Variants in SH3RF3 observed in about 807,000 individuals in gnomAD.
SH3RF3 encodes the protein E3 ubiquitin-protein ligase SH3RF3.
SH3RF3 carries 29 observed loss-of-function variants against 66.3 expected under a neutral mutation model. That is an observed-to-expected ratio of 0.44 (90% CI 0.33 to 0.60). SH3RF3 has a LOEUF of 0.60. Among genes scored for constraint, SH3RF3 ranks in the 20% least tolerant of loss-of-function variants. SH3RF3 has a pLI of 0.04. For missense variants in SH3RF3, 1,194 were observed against 1,190.9 expected (o/e 1.00, Z -0.04); for synonymous variants, 583 against 532.0 (o/e 1.10, Z -1.32).
intron 3 of SH3RF3, among the ~76,000 whole-genome samples, chr2:109,390,609 G>A (rs1675960344): frequency 6.6e-6 from 1 of 152,188 alleles, no homozygotes; most frequent in South Asian, 2.1e-4. Flanking sequence ...GAGGAAGAAG[G>A]GTGACATAAC....
intron 1 of SH3RF3, among the ~76,000 whole-genome samples, chr2:109,163,713 G>A (rs1677550157): frequency 6.6e-6 from 1 of 152,140 alleles, no homozygotes; most frequent in Non-Finnish European, 1.5e-5. Context: ...ATATTCTTAA[G>A]CTTGGAGACT....
chr2:109,170,281 TCTCTTCTCTTCTCTTCTCTTCTC>T (rs1558938233), intron 1 of SH3RF3, among the ~76,000 whole-genome samples: 37 of 107,912 alleles, frequency 3.4e-4, no homozygotes, highest in African/African-American at 1.1e-3. Context: ...TCTCTTCTCT[TCTCTTCTCTTCTCTTCTCTTCTC>T]TTCTCTTCTC....
rs1230636965 is a variant in SH3RF3, at chr2:109,189,351, G to A, written c.573+59238G>A. ...CCAGGCAGACAGGAGAGGAACTTAC[G>A]TGTTCAGTCGTTTGACTTTTTTTTT... On this transcript the variant is annotated intron_variant, in intron 1 of 9. Coordinates refer to ENST00000309415, the MANE Select transcript of SH3RF3 (RefSeq NM_001099289.3). Among the ~76,000 whole-genome samples, 5 of 146,468 alleles carry A rather than the reference G, an allele frequency of 3.4e-5. No homozygotes were observed. The East Asian group carries it at 8.1e-4, about 24-fold the overall frequency.
chr2:109,473,733 C>T (rs1678591630), intron 8 of SH3RF3, among the ~76,000 whole-genome samples: 1 of 149,742 alleles, frequency 6.7e-6, no homozygotes, highest in Admixed American at 6.7e-5. Context: ...CCACCCCACC[C>T]ACTCCTGCCT....
At chr2:109,167,867 A>G (rs1487802351) in intron 1 of SH3RF3, among the ~76,000 whole-genome samples, 1 of 152,176 alleles carries the variant, frequency 6.6e-6, no homozygotes, top group Non-Finnish European at 1.5e-5. Context: ...CACTGCACCC[A>G]GCCTAGTGTC....
chr2:109,192,267 G>A (rs1173367186), intron 1 of SH3RF3, among the ~76,000 whole-genome samples: 1 of 152,152 alleles, frequency 6.6e-6, no homozygotes, highest in Non-Finnish European at 1.5e-5. Context: ...GCAGCTCATG[G>A]GATGTTTGGA....
intron 3 of SH3RF3, 145 bp from the exon 4 acceptor site, chr2:109,398,445 G>C: frequency 1.3e-6 from 1 of 758,256 alleles, no homozygotes; most frequent in Non-Finnish European, 2.1e-6. Context: ...CACCCCACCA[G>C]CCTCTTCTGT....
At chr2:109,174,015 C>T (rs1677861909) in intron 1 of SH3RF3, among the ~76,000 whole-genome samples, 1 of 152,202 alleles carries the variant, frequency 6.6e-6, no homozygotes, top group Non-Finnish European at 1.5e-5. Context: ...TGGGCTCAGT[C>T]CTTGATTCAG....
At position 109,293,024 on chromosome 2, in the gene SH3RF3, A is replaced by G. The variant is rs76067955; in HGVS notation, c.574-54650A>G. ...TGGGATTACAGGCGTGAGGCACCGCACCCCAATTTGACATTTAAATGGCAT... is the reference window on the plus strand; with the variant it reads ...TGGGATTACAGGCGTGAGGCACCGCGCCCCAATTTGACATTTAAATGGCAT... On this transcript the variant is annotated intron_variant, in intron 1 of 9. Coordinates refer to ENST00000309415, the MANE Select transcript of SH3RF3 (RefSeq NM_001099289.3). 8.0e-3 allele frequency among the ~76,000 whole-genome samples: 1,213 copies of G among 152,216 alleles called. 12 individuals are homozygous for G. The highest frequency in any genetic ancestry group is 0.038 in the East Asian group (194 of 5,156).
intron 1 of SH3RF3, among the ~76,000 whole-genome samples, chr2:109,254,457 T>C (rs1259703168): frequency 1.3e-5 from 2 of 152,168 alleles, no homozygotes; most frequent in Admixed American, 6.5e-5. Flanking sequence ...GTACTTAGAA[T>C]AGGGCCTGAC....
chr2:109,483,997 C>T (rs568759105), intron 8 of SH3RF3, among the ~76,000 whole-genome samples: 3 of 152,074 alleles, frequency 2.0e-5, no homozygotes, highest in East Asian at 1.9e-4. Flanking sequence ...ATGCTCCCAG[C>T]GTCCACCAGA....
At chr2:109,482,804 G>A (rs146771128) in intron 8 of SH3RF3, among the ~76,000 whole-genome samples, 1 of 152,308 alleles carries the variant, frequency 6.6e-6, no homozygotes, top group Non-Finnish European at 1.5e-5. Flanking sequence ...AACACGATGC[G>A]GCGGTCACGT....
intron 8 of SH3RF3, among the ~76,000 whole-genome samples, chr2:109,462,150 A>G (rs1177988942): frequency 6.7e-6 from 1 of 149,820 alleles, no homozygotes; most frequent in Non-Finnish European, 1.5e-5. Context: ...CACTAGGTCC[A>G]GTCAGCACAA....
At chr2:109,424,020 C>A (rs1001486088) in intron 5 of SH3RF3, among the ~76,000 whole-genome samples, 1 of 152,200 alleles carries the variant, frequency 6.6e-6, no homozygotes, top group South Asian at 2.1e-4. Context: ...GGGCCGGTTG[C>A]AGTGGAGGGA....
At chr2:109,209,986 C>A (rs1029848315) in intron 1 of SH3RF3, among the ~76,000 whole-genome samples, 5 of 152,204 alleles carry the variant, frequency 3.3e-5, no homozygotes, top group Non-Finnish European at 7.3e-5. Context: ...ACGCTCAGCC[C>A]CCCCAGTAAC....
intron 1 of SH3RF3, among the ~76,000 whole-genome samples, chr2:109,237,430 G>T (rs1679675475): frequency 6.6e-6 from 1 of 152,206 alleles, no homozygotes; most frequent in South Asian, 2.1e-4. Context: ...GAGAAGGTTG[G>T]TGGAAGGCTG....
chr2:109,371,755 C>A, intron 3 of SH3RF3, 74 bp downstream of exon 3: 1 of 1,252,752 alleles, frequency 8.0e-7, no homozygotes, highest in Non-Finnish European at 1.1e-6. Context: ...GGTCACCTGA[C>A]CTTCAAGCCC....
rs375765752 is a variant in SH3RF3 at position 109,245,619 on chromosome 2, TA to T, written c.574-102051del. Among the ~76,000 whole-genome samples the T allele has an allele frequency of 4.5e-3, 688 of 152,370 alleles. 1 individual carries two copies. The highest frequency in any genetic ancestry group is 1.0e-2 in the Admixed American group (153 of 15,306). On this transcript the variant is annotated intron_variant, in intron 1 of 9. Coordinates refer to ENST00000309415, the MANE Select transcript of SH3RF3 (RefSeq NM_001099289.3). ...GAGGAGACAAATTTAAGTCTATATA[TA>T]AAATAACTTTACGAGTTTTCATATT...
At chr2:109,417,406 G>C (rs1214964844) in intron 4 of SH3RF3, among the ~76,000 whole-genome samples, 2 of 152,176 alleles carry the variant, frequency 1.3e-5, no homozygotes, top group African/African-American at 4.8e-5. Context: ...GGAGAGGGCA[G>C]GTGTCCCGGG....
Sources: gnomAD v4.1 joint callset for allele counts (sites outside exome capture counted in the v4.1 genomes callset) on GRCh38, gnomAD v4.1.1 for gene constraint, MANE v1.5 for transcripts, NCBI Gene and HGNC (gene_info 2026-07-23, HGNC 2026-07-21) for gene names.